The following DCDC2 variants were observed in gnomAD, a reference collection of about 807,000 sequenced individuals.
The protein encoded by DCDC2 is doublecortin domain-containing protein 2.
Under a neutral mutation model 50.2 loss-of-function variants are expected in DCDC2, and 40 were observed. The ratio of observed to expected loss-of-function variants is 0.80; its 90% confidence interval spans 0.62 to 1.04. The LOEUF (loss-of-function observed/expected upper bound fraction) is 1.04. Ranked by LOEUF, DCDC2 falls within the 50% of genes least tolerant of loss-of-function variation. The probability of loss-of-function intolerance (pLI) is 0.00; values close to 1 mark genes in which losing one functional copy is unlikely to be tolerated. For missense variants in DCDC2, 570 were observed against 581.9 expected (o/e 0.98, Z 0.21); for synonymous variants, 234 against 210.6 (o/e 1.11, Z -0.96).
chr6:24,338,409 T>C (rs1322218170), intron 2 of DCDC2, among the ~76,000 whole-genome samples: 4 of 152,184 alleles, frequency 2.6e-5, no homozygotes, highest in Non-Finnish European at 5.9e-5. Context: ...ATCTATCCAG[T>C]AGCCCAGGCC....
intron 7 of DCDC2, among the ~76,000 whole-genome samples, chr6:24,274,605 C>CAAAAAAAAAAAA (rs61569208): frequency 6.1e-5 from 5 of 82,400 alleles, no homozygotes; most frequent in Non-Finnish European, 9.2e-5. Context: ...GAAACAGAGT[C>CAAAAAAAAAAAA]AAAAAAAAAA....
In DCDC2 at chr6:24,178,442, T is replaced by A; in HGVS notation, c.1214A>T (p.Asn405Ile). ...SEQQARPARV[N>I]GGTDEENGEE... ...ACCATTCTCCTCATCGGTGCCTCCATTTACACGAGCAGGGCGTGCCTGCTG... is the reference window on the plus strand; with the variant it reads ...ACCATTCTCCTCATCGGTGCCTCCAATTACACGAGCAGGGCGTGCCTGCTG... The change falls in exon 9 of 10, where the codon AAT becomes ATT. Residue 405 changes from asparagine to isoleucine, a missense_variant. By Grantham distance (149) the Asn-to-Ile change is moderately radical. Transcript: ENST00000378454. The A allele has an allele frequency of 6.2e-7, 1 of 1,614,168 alleles. No homozygotes were observed. Among genetic ancestry groups the A allele is most frequent in the Non-Finnish European group, 8.5e-7 (1 of 1,180,028 alleles).
chr6:24,288,849 T>TA lies in DCDC2; in HGVS notation c.759+2dup. 1 of 1,611,196 alleles carries TA rather than the reference T, an allele frequency of 6.2e-7. No individual in the cohort carries two copies. The highest frequency in any genetic ancestry group is 8.5e-7 in the Non-Finnish European group (1 of 1,177,728). ...ATCAACGAGGAAAGCATCTGATACT[T>TA]ACACTCCCTTTAGACTTTCTGGATC... On this transcript the variant is annotated splice_region_variant and intron_variant, in intron 6 of 9. Transcript: ENST00000378454.
chr6:24,208,503 T>G (rs1002069142), intron 7 of DCDC2, among the ~76,000 whole-genome samples: 2 of 151,578 alleles, frequency 1.3e-5, no homozygotes, highest in East Asian at 2.0e-4. Context: ...CCCAAGTAGC[T>G]GGGATTACAG....
intron 2 of DCDC2, among the ~76,000 whole-genome samples, chr6:24,341,555 T>G (rs1288837133): frequency 6.6e-6 from 1 of 152,120 alleles, no homozygotes; most frequent in Non-Finnish European, 1.5e-5. Context: ...TGTTTTGAAC[T>G]ATACTGAAAC....
At chr6:24,382,901 G>A in the DCDC2 span, among the ~76,000 whole-genome samples, 1 of 152,130 alleles carries the variant, frequency 6.6e-6, no homozygotes, top group Non-Finnish European at 1.5e-5. Flanking sequence ...AACTTTCATG[G>A]ATTTTTTTTT....
Position 24,357,786 on chromosome 6 carries a change from G to C in DCDC2, c.-36C>G, listed in dbSNP as rs370706869. Reference sequence around the variant, plus strand: ...GGCCGCCGCCTCAGCTCGCTGCTTCGCGTCGGGAGGCACCTCCGCTGTCCC... The same window carrying C: ...GGCCGCCGCCTCAGCTCGCTGCTTCCCGTCGGGAGGCACCTCCGCTGTCCC... On this transcript the variant is annotated 5_prime_UTR_variant, in exon 1 of 10. Transcript: ENST00000378454. 9 of 1,611,750 alleles carry C rather than the reference G, an allele frequency of 5.6e-6. No homozygotes were observed. Among genetic ancestry groups the C allele is most frequent in the Non-Finnish European group, 6.8e-6 (8 of 1,179,176 alleles).
At chr6:24,211,706 G>A (rs990173697) in intron 7 of DCDC2, among the ~76,000 whole-genome samples, 1 of 152,156 alleles carries the variant, frequency 6.6e-6, no homozygotes, top group Non-Finnish European at 1.5e-5. Flanking sequence ...GCAGCCTGTA[G>A]AAACTGGAAA....
chr6:24,358,635 T>C (rs1243913000), upstream of DCDC2, among the ~76,000 whole-genome samples: 3 of 142,468 alleles, frequency 2.1e-5, no homozygotes, highest in African/African-American at 7.9e-5. Flanking sequence ...TAACCTATGA[T>C]TTTGCCACTG....
intron 2 of DCDC2, among the ~76,000 whole-genome samples, chr6:24,311,365 G>C (rs1444060990): frequency 6.6e-6 from 1 of 152,020 alleles, no homozygotes; most frequent in Non-Finnish European, 1.5e-5. Context: ...ATATTTATTT[G>C]TTTTCTTAGT....
chr6:24,301,156 G>A (rs951153108), intron 4 of DCDC2, among the ~76,000 whole-genome samples: 8 of 151,860 alleles, frequency 5.3e-5, no homozygotes, highest in African/African-American at 1.9e-4. Context: ...CGGATCACGA[G>A]GTCAGGAGAT....
intron 8 of DCDC2, among the ~76,000 whole-genome samples, chr6:24,196,655 T>C (rs11962511): frequency 0.037 from 5,561 of 152,200 alleles, 336 homozygotes; most frequent in African/African-American, 0.12. Flanking sequence ...CACTCCTGAC[T>C]TTAGGTGATC....
At chr6:24,307,047 A>T (rs560151440) in intron 2 of DCDC2, among the ~76,000 whole-genome samples, 118 of 152,336 alleles carry the variant, frequency 7.7e-4, no homozygotes, top group African/African-American at 2.7e-3. Context: ...TACATGAGCC[A>T]ATTCAACACT....
At chr6:24,328,800 C>G (rs1759918568) in intron 2 of DCDC2, among the ~76,000 whole-genome samples, 1 of 152,156 alleles carries the variant, frequency 6.6e-6, no homozygotes, top group Non-Finnish European at 1.5e-5. Context: ...GCAATTACTA[C>G]AGGTTACTAC....
chr6:24,366,720 G>A, the DCDC2 span, among the ~76,000 whole-genome samples: 5 of 152,276 alleles, frequency 3.3e-5, no homozygotes, highest in Non-Finnish European at 7.4e-5. Flanking sequence ...TGTGGTTTCT[G>A]CCCTTAGTGC....
intron 2 of DCDC2, among the ~76,000 whole-genome samples, chr6:24,311,991 C>G (rs574848636): frequency 6.6e-6 from 1 of 152,300 alleles, no homozygotes; most frequent in South Asian, 2.1e-4. Flanking sequence ...TGAAAATAGC[C>G]AGTTCCTGCC....
intron 7 of DCDC2, among the ~76,000 whole-genome samples, chr6:24,225,895 A>G (rs1699737971): frequency 6.6e-6 from 1 of 151,430 alleles, no homozygotes; most frequent in Admixed American, 6.6e-5. Context: ...AACAGTCAGC[A>G]TATTATAACA....
intron 6 of DCDC2, among the ~76,000 whole-genome samples, chr6:24,282,113 C>A (rs1763487524): frequency 6.6e-6 from 1 of 152,140 alleles, no homozygotes; most frequent in Admixed American, 6.5e-5. Context: ...TTGAGATACT[C>A]CAACCACTGT....
chr6:24,330,837 T>C (rs914628643), intron 2 of DCDC2, among the ~76,000 whole-genome samples: 6 of 152,254 alleles, frequency 3.9e-5, no homozygotes, highest in African/African-American at 1.4e-4. Context: ...AATACTGCGA[T>C]GAACCCTTAC....
Sources: gnomAD v4.1 joint callset for allele counts (sites outside exome capture counted in the v4.1 genomes callset) on GRCh38, gnomAD v4.1.1 for gene constraint, MANE v1.5 for transcripts, NCBI Gene and HGNC (gene_info 2026-07-23, HGNC 2026-07-21) for gene names.